Variants in BRCA1 observed in about 807,000 individuals in gnomAD.
The protein encoded by BRCA1 is BRCA1 DNA repair associated.
Under a neutral mutation model 173.7 loss-of-function variants are expected in BRCA1, and 140 were observed. The ratio of observed to expected loss-of-function variants is 0.81; its 90% CI spans 0.70 to 0.93. The LOEUF (loss-of-function observed/expected upper bound fraction) is 0.93. Ranked by LOEUF, BRCA1 falls within the 40% of genes least tolerant of loss-of-function variation. BRCA1 has a pLI of 0.00. For synonymous variants in BRCA1, 662 were observed against 756.0 expected (o/e 0.88, Z 2.04); for missense variants, 1,983 against 2,172.5 (o/e 0.91, Z 1.73).
At chr17:43,049,762 A>G (rs2051129548) in intron 20 of BRCA1, among the ~76,000 whole-genome samples, 1 of 152,198 alleles carries the variant, frequency 6.6e-6, no homozygotes, top group Non-Finnish European at 1.5e-5. Context: ...ATCAGAAGAG[A>G]CTGTGGAGAT....
At chr17:43,129,784 C>T (rs2055950495), upstream of BRCA1, among the ~76,000 whole-genome samples, 1 of 152,052 alleles carries the variant, frequency 6.6e-6, no homozygotes, top group Non-Finnish European at 1.5e-5. Flanking sequence ...GGAAGTGTTT[C>T]TTAAAGTTGG....
chr17:43,138,533 C>T, intron 1 of BRCA1: 1 of 664,994 alleles, frequency 1.5e-6, no homozygotes, highest in South Asian at 1.7e-5. Flanking sequence ...AAACACCTAC[C>T]AAAAGTGGGT....
intron 14 of BRCA1, among the ~76,000 whole-genome samples, chr17:43,072,474 T>C (rs1247014699): frequency 6.6e-6 from 1 of 151,720 alleles, no homozygotes; most frequent in Non-Finnish European, 1.5e-5. Flanking sequence ...CAAACATGGC[T>C]CACCTGCAGC....
chr17:43,084,836 C>A (rs2053165713), intron 11 of BRCA1, among the ~76,000 whole-genome samples: 1 of 152,138 alleles, frequency 6.6e-6, no homozygotes, highest in South Asian at 2.1e-4. Context: ...GGAATGAAAG[C>A]ACATAGATAT....
intron 3 of BRCA1, among the ~76,000 whole-genome samples, chr17:43,107,392 T>C (rs1426569291): frequency 6.7e-6 from 1 of 149,940 alleles, no homozygotes; most frequent in East Asian, 1.9e-4. Flanking sequence ...ATTTTTTTTT[T>C]TTTTTTTTGA....
rs775708612 is a variant in BRCA1 at position 43,047,443 on chromosome 17, C to T, written c.5467+200G>A. ...GATGAACATTCATATCTTACTCCCA[C>T]CCCATGGAAACAGTTCATGTATTAC... On this transcript the variant is annotated intron_variant, in intron 22 of 22. Transcript: ENST00000357654. Among the ~76,000 whole-genome samples, 21 of 152,048 alleles carry T rather than the reference C, an allele frequency of 1.4e-4. No homozygotes were observed. The highest frequency in any genetic ancestry group is 2.1e-4 in the Non-Finnish European group (14 of 68,020).
chr17:43,052,249 G>A (rs559795082), intron 19 of BRCA1, among the ~76,000 whole-genome samples: 9 of 152,254 alleles, frequency 5.9e-5, no homozygotes, highest in African/African-American at 2.2e-4. Flanking sequence ...TGTGGTTAGG[G>A]TGAATGAAGA....
At chr17:43,169,794 AG>A (rs2154581809) in intron 1 of BRCA1, 1 of 248,480 alleles carries the variant, frequency 4.0e-6, no homozygotes, top group Non-Finnish European at 8.0e-6. Flanking sequence ...TCCTGAGCCC[AG>A]GGGCCCAGTT....
chr17:43,071,771 A>C (rs2052456212), intron 14 of BRCA1, among the ~76,000 whole-genome samples: 1 of 151,906 alleles, frequency 6.6e-6, no homozygotes, highest in Non-Finnish European at 1.5e-5. Flanking sequence ...TGGGAGGCCG[A>C]GACGGGTGGA....
intron 5 of BRCA1, among the ~76,000 whole-genome samples, 164 bp from the exon 6 acceptor site, chr17:43,104,425 T>A (rs1019500697): frequency 1.3e-5 from 2 of 152,176 alleles, no homozygotes; most frequent in Admixed American, 6.6e-5. Flanking sequence ...AAAAATCAAC[T>A]GGAAATTTTA....
chr17:43,111,537 A>C (rs1409304825), intron 3 of BRCA1, among the ~76,000 whole-genome samples: 2 of 151,582 alleles, frequency 1.3e-5, no homozygotes, highest in African/African-American at 4.8e-5. Flanking sequence ...AACAAAAAAA[A>C]ACAGCCGGGC....
intron 9 of BRCA1, among the ~76,000 whole-genome samples, chr17:43,095,392 G>A (rs533328434): frequency 1.8e-4 from 28 of 152,100 alleles, no homozygotes; most frequent in Non-Finnish European, 3.5e-4. Context: ...GACCAGCCTC[G>A]GTAACATGGT....
intron 7 of BRCA1, among the ~76,000 whole-genome samples, chr17:43,099,472 T>G (rs530074274): frequency 1.3e-5 from 2 of 151,892 alleles, no homozygotes; most frequent in Non-Finnish European, 2.9e-5. Flanking sequence ...AGTTTCTCCA[T>G]GTTGGCTAGG....
intron 1 of BRCA1, among the ~76,000 whole-genome samples, chr17:43,165,098 AT>A (rs1296201946): frequency 6.6e-6 from 1 of 152,218 alleles, no homozygotes; most frequent in Non-Finnish European, 1.5e-5. Flanking sequence ...TTAGTGTGTT[AT>A]TAATATTAAA....
chr17:43,094,268 T>G lies in BRCA1; in HGVS notation c.1263A>C (p.Glu421Asp). Residue 421 changes from glutamate to aspartate, a missense_variant, in exon 10 of 23, where the codon GAA becomes GAC. Physicochemically the swap from Glu to Asp is conservative, Grantham distance 45. Transcript: ENST00000357654. ...DVLDVLNEVDEYSGSSEKIDL... is the reference protein window; with the variant it reads ...DVLDVLNEVDDYSGSSEKIDL... ...CTATTTTCTCTGAAGAACCAGAATA[T>G]TCATCTACCTCATTTAGAACGTCCA... 6.2e-7 allele frequency: 1 copy of G among 1,614,172 alleles called. No homozygotes were observed. The highest frequency in any genetic ancestry group is 8.5e-7 in the Non-Finnish European group (1 of 1,180,024).
At chr17:43,103,100 A>C (rs1037762350) in intron 6 of BRCA1, among the ~76,000 whole-genome samples, 2 of 152,178 alleles carry the variant, frequency 1.3e-5, no homozygotes, top group Non-Finnish European at 2.9e-5. Context: ...TAAAAATATC[A>C]GTGACCTTAT....
At chr17:43,152,085 T>G (rs2056165476) in intron 1 of BRCA1, among the ~76,000 whole-genome samples, 1 of 152,202 alleles carries the variant, frequency 6.6e-6, no homozygotes, top group South Asian at 2.1e-4. Context: ...CAAGGCCACA[T>G]AGTGTGTGAT....
chr17:43,154,584 A>G (rs2056184432), intron 1 of BRCA1, among the ~76,000 whole-genome samples: 1 of 152,086 alleles, frequency 6.6e-6, no homozygotes, highest in African/African-American at 2.4e-5. Flanking sequence ...ACTTTAGAAA[A>G]TACATCACCC....
chr17:43,158,888 T>C (rs1157754326), intron 1 of BRCA1, among the ~76,000 whole-genome samples: 2 of 152,130 alleles, frequency 1.3e-5, no homozygotes, highest in African/African-American at 2.4e-5. Flanking sequence ...CTTGAGGGTG[T>C]TGTAACTTTA....
Sources: allele counts gnomAD v4.1 joint callset (sites outside exome capture counted in the v4.1 genomes callset), GRCh38; gene constraint gnomAD v4.1.1; transcripts MANE v1.5; gene names NCBI Gene and HGNC (gene_info 2026-07-23, HGNC 2026-07-21).